PCM1: variants seen among roughly 807,000 people sequenced by gnomAD.
PCM1 encodes pericentriolar material 1.
Under a neutral mutation model 241.9 loss-of-function variants are expected in PCM1, and 157 were observed. That is an observed-to-expected ratio of 0.65 (90% CI 0.57 to 0.74). The LOEUF (loss-of-function observed/expected upper bound fraction) is 0.74. Among genes scored for constraint, PCM1 ranks in the 30% least tolerant of loss-of-function variants. PCM1 has a pLI of 0.00. For missense variants in PCM1, 3,478 were observed against 2,360.1 expected (o/e 1.47, Z -9.81); for synonymous variants, 1,085 against 784.9 (o/e 1.38, Z -6.39).
At chr8:17,928,027 C>G (rs1417953964) in intron 2 of PCM1, 1 of 151,008 alleles carries the variant, frequency 6.6e-6, no homozygotes, top group East Asian at 1.9e-4. Flanking sequence ...TAAGGCATAG[C>G]ATGAGTAGAA....
intron 24 of PCM1, among the ~76,000 whole-genome samples, chr8:17,983,859 C>T (rs1270603289): frequency 1.3e-5 from 2 of 151,942 alleles, no homozygotes; most frequent in African/African-American, 2.4e-5. Context: ...AAGTAAAAGC[C>T]AGTTTGAATG....
At position 17,955,558 on chromosome 8, in the gene PCM1, T is replaced by C; in HGVS notation, c.1377T>C (p.Asn459=). 6.2e-7 allele frequency: 1 copy of C among 1,613,742 alleles called. No homozygotes were observed. Among genetic ancestry groups the C allele is most frequent in the Non-Finnish European group, 8.5e-7 (1 of 1,179,682 alleles). ...GLAPVVNGES[N]SLTSSVPYPT... is the part of the protein sequence containing the mutation. ...CACCGGTTGTCAATGGAGAATCCAATAGCCTCACATCATCTGTTCCTTATC... is the reference window on the plus strand; with the variant it reads ...CACCGGTTGTCAATGGAGAATCCAACAGCCTCACATCATCTGTTCCTTATC... The change falls in exon 10 of 39, where the codon AAT becomes AAC. Residue 459 remains asparagine (N), a synonymous_variant. Transcript: ENST00000325083.
intron 9 of PCM1, among the ~76,000 whole-genome samples, chr8:17,954,504 A>T (rs759525256): frequency 6.6e-6 from 1 of 152,008 alleles, no homozygotes; most frequent in East Asian, 1.9e-4. Context: ...TCAGTTTTGT[A>T]TGCATAAAGT....
intron 10 of PCM1, 24 bp downstream of exon 10, chr8:17,955,677 T>TA: frequency 3.8e-6 from 6 of 1,565,984 alleles, no homozygotes; most frequent in Non-Finnish European, 5.3e-6. Context: ...AATCATTGTT[T>TA]ACATGAAGTT....
At chr8:18,004,415 C>G (rs1354242958) in intron 29 of PCM1, among the ~76,000 whole-genome samples, 1 of 152,078 alleles carries the variant, frequency 6.6e-6, no homozygotes, top group Non-Finnish European at 1.5e-5. Flanking sequence ...TCTAGAGTTA[C>G]CTAAATCACA....
Position 17,968,687 on chromosome 8 carries a change from T to A in PCM1, c.3413-890T>A, listed in dbSNP as rs6989255. ...CTCAATACTTCTTACATACATATAT[T>A]ACAGTGTTATGCCCAGCAATGTGTA... On this transcript the variant is annotated intron_variant, in intron 21 of 38. Transcript: ENST00000325083. 2.0e-5 allele frequency among the ~76,000 whole-genome samples: 3 copies of A among 150,956 alleles called. No homozygotes were observed. In the South Asian group the frequency reaches 6.3e-4, roughly 31 times the overall value.
At position 17,986,034 on chromosome 8, in the gene PCM1, A is replaced by T. The variant is rs1183760580; in HGVS notation, c.4357A>T (p.Ile1453Leu). 4 of 1,602,414 alleles carry T rather than the reference A, an allele frequency of 2.5e-6. No homozygotes were observed. The African/African-American group carries it at 5.4e-5, about 21-fold the overall frequency. Residue 1453 changes from isoleucine (I) to leucine (L), a missense_variant, in exon 26 of 39, where the codon ATA becomes TTA. Coordinates refer to ENST00000325083, the MANE Select transcript of PCM1 (RefSeq NM_006197.4). The part of the protein sequence containing the change: ...NVKSVNSGTW[I>L]ASNSELTPSE... ...AAAGTCAGTAAACTCTGGTACTTGG[A>T]TAGCATCAAACTCAGAACTTACTCC...
intron 28 of PCM1, among the ~76,000 whole-genome samples, chr8:17,992,774 G>C (rs1193895110): frequency 6.6e-6 from 1 of 151,670 alleles, no homozygotes; most frequent in Non-Finnish European, 1.5e-5. Flanking sequence ...GTGCCACCAT[G>C]TCCAGCTAAG....
intron 26 of PCM1, among the ~76,000 whole-genome samples, chr8:17,986,589 G>A (rs764826312): frequency 6.6e-6 from 1 of 151,638 alleles, no homozygotes; most frequent in Non-Finnish European, 1.5e-5. Context: ...CCTGGAAATG[G>A]AGAAGAGTGC....
intron 34 of PCM1, among the ~76,000 whole-genome samples, chr8:18,013,135 A>G (rs1024974820): frequency 2.0e-5 from 3 of 152,146 alleles, no homozygotes; most frequent in Non-Finnish European, 2.9e-5. Flanking sequence ...AGATTCTTCA[A>G]ATTAGGGTCC....
intron 16 of PCM1, 200 bp from the exon 17 acceptor site, chr8:17,962,900 CT>C: frequency 2.2e-6 from 1 of 448,972 alleles, no homozygotes; most frequent in Middle Eastern, 6.0e-4. Flanking sequence ...GAGACTCTGT[CT>C]CAAAAAAAAA....
chr8:18,007,178 C>A (rs557567660), intron 30 of PCM1, among the ~76,000 whole-genome samples: 1 of 152,282 alleles, frequency 6.6e-6, no homozygotes, highest in South Asian at 2.1e-4. Context: ...TATTTTTACT[C>A]CACATTAGGT....
intron 6 of PCM1, among the ~76,000 whole-genome samples, chr8:17,946,945 C>G (rs879006416): frequency 2.0e-5 from 3 of 150,970 alleles, no homozygotes; most frequent in African/African-American, 7.3e-5. Context: ...CATTCCTCTT[C>G]CTGCTGAGCC....
intron 2 of PCM1, among the ~76,000 whole-genome samples, chr8:17,930,696 G>A (rs1315426098): frequency 6.6e-6 from 1 of 151,838 alleles, no homozygotes; most frequent in Non-Finnish European, 1.5e-5. Flanking sequence ...GGCTAACATG[G>A]TGAAACCCTG....
At chr8:17,990,530 G>T (rs34134751) in intron 27 of PCM1, among the ~76,000 whole-genome samples, 2 of 149,502 alleles carry the variant, frequency 1.3e-5, no homozygotes, top group Non-Finnish European at 3.0e-5. Flanking sequence ...AAACAAAAGA[G>T]GTTTAGAGGG....
chr8:18,011,714 G>C lies in PCM1; in HGVS notation c.5398G>C (p.Glu1800Gln), dbSNP rs750631971. The C allele has an allele frequency of 6.2e-7, 1 of 1,613,106 alleles. No homozygotes were observed. Among genetic ancestry groups the C allele is most frequent in the East Asian group, 2.2e-5 (1 of 44,850 alleles). Reference sequence around the variant, plus strand: ...GGCTTTAACTAATTATGGAAGTGGAGAAGATGAAAATGAGGATGAAGAAAT... The same window carrying C: ...GGCTTTAACTAATTATGGAAGTGGACAAGATGAAAATGAGGATGAAGAAAT... Reference protein sequence around the residue: ...TQALTNYGSGEDENEDEEMEE... With the variant: ...TQALTNYGSGQDENEDEEMEE... Residue 1800 changes from glutamate to glutamine, a missense_variant, in exon 34 of 39, where the codon GAA becomes CAA. Glu to Gln is a conservative substitution (Grantham distance 29, BLOSUM62 2). Coordinates refer to ENST00000325083, the MANE Select transcript of PCM1 (RefSeq NM_006197.4).
In PCM1 at chr8:18,027,746, A is replaced by G; in HGVS notation, c.*84A>G. 1 of 959,862 alleles carries G rather than the reference A, an allele frequency of 1.0e-6. No homozygotes were observed. The highest frequency in any genetic ancestry group is 1.5e-6 in the Non-Finnish European group (1 of 651,260). The allele number at this position is 959,862 out of a possible 1,614,324, so 59.5% of individuals were successfully genotyped here. A position where few individuals can be genotyped will look rare whatever the true frequency, so the allele number is the denominator to read the frequency against. ...AATACTAAATAAACATCTGATCTGT[A>G]TAAAAATGTAAATTAGTTTGACACT... On this transcript the variant is annotated 3_prime_UTR_variant, in exon 39 of 39. Transcript: ENST00000325083.
At chr8:17,984,757 A>G (rs946143681) in intron 24 of PCM1, among the ~76,000 whole-genome samples, 3 of 151,964 alleles carry the variant, frequency 2.0e-5, no homozygotes, top group African/African-American at 7.2e-5. Flanking sequence ...CAACAAGTAA[A>G]TTTAGCCGAA....
At chr8:18,015,631 T>C (rs774596262) in intron 36 of PCM1, 3 of 152,228 alleles carry the variant, frequency 2.0e-5, no homozygotes, top group African/African-American at 7.2e-5. Flanking sequence ...TAAATCTCTT[T>C]TGGTCTGGTG....
Sources: gnomAD v4.1 joint callset for allele counts (sites outside exome capture counted in the v4.1 genomes callset) on GRCh38, gnomAD v4.1.1 for gene constraint, MANE v1.5 for transcripts, NCBI Gene and HGNC (gene_info 2026-07-23, HGNC 2026-07-21) for gene names.